The following NOD2 variants were observed in gnomAD, a reference collection of about 807,000 sequenced individuals.
NOD2 encodes nucleotide-binding oligomerization domain-containing protein 2.
A neutral mutation model predicts 90.9 loss-of-function variants in NOD2; 86 were observed. That is an observed-to-expected ratio of 0.95 (90% CI 0.79 to 1.13). The LOEUF (loss-of-function observed/expected upper bound fraction) is 1.13, where lower values mean the gene tolerates loss of function less well. Among genes scored for constraint, NOD2 ranks in the 50% most tolerant of loss-of-function variants. NOD2 has a pLI of 0.00. For missense variants in NOD2, 1,238 were observed against 1,283.8 expected (o/e 0.96, Z 0.55); for synonymous variants, 581 against 554.6 (o/e 1.05, Z -0.67).
intron 2 of NOD2, among the ~76,000 whole-genome samples, chr16:50,702,365 G>T (rs1290987040): frequency 1.3e-5 from 2 of 152,236 alleles, no homozygotes; most frequent in African/African-American, 4.8e-5. Context: ...AGGAGAGCAG[G>T]AGATTTTGAA....
Position 50,732,008 on chromosome 16 carries a change from G to A in NOD2, c.*189G>A, listed in dbSNP as rs2150846954. ...GAGGAGGGAGCATCAGTGCCCTCCA[G>A]GATAGACTTTTCCCAAGCCTACTTT... On this transcript the variant is annotated 3_prime_UTR_variant, in exon 12 of 12. Transcript: ENST00000647318. 3.2e-6 allele frequency: 2 copies of A among 625,910 alleles called. No individual in the cohort carries two copies. Among genetic ancestry groups the A allele is most frequent in the East Asian group, 5.8e-5 (2 of 34,348 alleles). The allele number at this position is 625,910 out of a possible 1,614,324, so 38.8% of individuals were successfully genotyped here. A position where few individuals can be genotyped will look rare whatever the true frequency, so the allele number is the denominator to read the frequency against.
At position 50,699,803 on chromosome 16, in the gene NOD2, C is replaced by A. The variant is rs200160605; in HGVS notation, c.308C>A (p.Pro103Gln). 1 of 1,613,752 alleles carries A rather than the reference C, an allele frequency of 6.2e-7. No individual in the cohort carries two copies. The highest frequency in any genetic ancestry group is 2.2e-5 in the East Asian group (1 of 44,888). ...HGCWDPHSLH[P>Q]ARDLQSHRPA... ...TGCTGGGACCCCCACTCGCTCCACC[C>A]AGCCCGAGACCTGCAGAGTCACCGG... The change falls in exon 2 of 12, where the codon CCA becomes CAA. Residue 103 changes from proline (P) to glutamine (Q), a missense_variant. This residue lies in a region of NOD2 where 567 missense variants were observed against 577.3 expected (regional missense o/e 0.98). Transcript: ENST00000647318.
intron 1 of NOD2, among the ~76,000 whole-genome samples, chr16:50,694,542 T>C (rs1314745492): frequency 6.6e-6 from 1 of 152,098 alleles, no homozygotes; most frequent in Non-Finnish European, 1.5e-5. Flanking sequence ...CCAGCCCACC[T>C]CCCTCCTACC....
At chr16:50,719,412 C>T (rs944464809) in intron 6 of NOD2, among the ~76,000 whole-genome samples, 9 of 152,120 alleles carry the variant, frequency 5.9e-5, no homozygotes, top group African/African-American at 1.9e-4. Flanking sequence ...TGGGATCTTC[C>T]CCCACCCCTA....
At chr16:50,710,458 C>A in intron 3 of NOD2, 100 bp from the exon 4 acceptor site, 1 of 1,535,800 alleles carries the variant, frequency 6.5e-7, no homozygotes, top group Non-Finnish European at 9.0e-7. Context: ...CTCTCCTATC[C>A]CTTCAGTTAT....
intron 6 of NOD2, among the ~76,000 whole-genome samples, chr16:50,717,211 C>T (rs974351569): frequency 5.3e-5 from 8 of 152,236 alleles, no homozygotes; most frequent in African/African-American, 1.9e-4. Flanking sequence ...GGCAAGAAAG[C>T]TTTTCTAGGC....
chr16:50,713,768 G>A (rs1596876144), intron 4 of NOD2, among the ~76,000 whole-genome samples: 1 of 152,216 alleles, frequency 6.6e-6, no homozygotes, highest in East Asian at 1.9e-4. Context: ...ACGGCTGCCT[G>A]AGCTTCTGCA....
chr16:50,711,493 C>A lies in NOD2; in HGVS notation c.1501C>A (p.Pro501Thr), dbSNP rs779264256. ...LQHFLLHATP[P>T]DSASQGLGPS... Reference sequence around the variant, plus strand: ...GCATTTTCTGCTGCATGCCACCCCCCCAGACTCAGCTTCCCAAGGTCTGGG... The same window carrying A: ...GCATTTTCTGCTGCATGCCACCCCCACAGACTCAGCTTCCCAAGGTCTGGG... Residue 501 changes from proline to threonine, a missense_variant, in exon 4 of 12, where the codon CCA becomes ACA. This residue lies in a region of NOD2 where 667 missense variants were observed against 688.7 expected (regional missense o/e 0.97). Transcript: ENST00000647318. 6 of 1,613,370 alleles carry A rather than the reference C, an allele frequency of 3.7e-6. No homozygotes were observed. The highest frequency in any genetic ancestry group is 5.1e-6 in the Non-Finnish European group (6 of 1,179,934).
chr16:50,697,844 T>C (rs1963731111), intron 1 of NOD2: 2 of 202,630 alleles, frequency 9.9e-6, no homozygotes, highest in South Asian at 1.4e-4. Flanking sequence ...TTGCTTACCT[T>C]GGCTACCGTA....
intron 2 of NOD2, among the ~76,000 whole-genome samples, chr16:50,706,024 A>G (rs576612449): frequency 6.6e-6 from 1 of 152,330 alleles, no homozygotes; most frequent in South Asian, 2.1e-4. Flanking sequence ...GGAAGGGGAT[A>G]AATGATGGCA....
In NOD2 at chr16:50,699,674, G is replaced by A. The variant is rs983465914; in HGVS notation, c.179G>A (p.Arg60His). 5.6e-6 allele frequency: 9 copies of A among 1,614,034 alleles called. No homozygotes were observed. The highest frequency in any genetic ancestry group is 5.3e-5 in the African/African-American group (4 of 74,922). Residue 60 changes from arginine (R) to histidine (H), a missense_variant, in exon 2 of 12, where the codon CGC becomes CAC. By Grantham distance (29) the Arg-to-His change is conservative. This residue lies in a region of NOD2 where 567 missense variants were observed against 577.3 expected (regional missense o/e 0.98). Coordinates refer to ENST00000647318, the MANE Select transcript of NOD2 (RefSeq NM_001370466.1). ...CAGCCTCTCTCCCACTTGGCCAGGC[G>A]CCTTCTGGACACCGTCTGGAATAAG... Reference protein sequence around the residue: ...LGQPLSHLARRLLDTVWNKGT... With the variant: ...LGQPLSHLARHLLDTVWNKGT...
intron 2 of NOD2, among the ~76,000 whole-genome samples, chr16:50,703,467 G>A (rs571498672): frequency 3.3e-5 from 5 of 152,002 alleles, no homozygotes; most frequent in Non-Finnish European, 5.9e-5. Flanking sequence ...GAGAAACCCC[G>A]TCTCTACTAA....
chr16:50,716,827 G>A (rs1299942192), intron 5 of NOD2, 64 bp from the exon 6 acceptor site: 3 of 1,552,598 alleles, frequency 1.9e-6, no homozygotes, highest in Non-Finnish European at 8.9e-7. Context: ...GGCAACCCTG[G>A]GATTTGGTGC....
At position 50,711,172 on chromosome 16, in the gene NOD2, A is replaced by C; in HGVS notation, c.1180A>C (p.Lys394Gln). 1 of 1,614,112 alleles carries C rather than the reference A, an allele frequency of 6.2e-7. No individual in the cohort carries two copies. The highest frequency in any genetic ancestry group is 8.5e-7 in the Non-Finnish European group (1 of 1,180,032). ...LQGNLLKNAR[K>Q]VVTSRPAAVS... is the part of the protein sequence containing the mutation. ...GGGCAACCTGCTGAAGAATGCCCGC[A>C]AGGTGGTGACCAGCCGTCCGGCCGC... Residue 394 changes from lysine to glutamine, a missense_variant, in exon 4 of 12, where the codon AAG (lysine) becomes CAG (glutamine). Lys to Gln is a moderately conservative substitution (Grantham distance 53, BLOSUM62 1). This residue lies in a region of NOD2 where 567 missense variants were observed against 577.3 expected (regional missense o/e 0.98). Coordinates refer to ENST00000647318, the MANE Select transcript of NOD2 (RefSeq NM_001370466.1).
rs1223321264 is a variant in NOD2 at position 50,722,516 on chromosome 16, T to C, written c.2634-106T>C. On this transcript the variant is annotated intron_variant, in intron 7 of 11. Coordinates refer to ENST00000647318, the MANE Select transcript of NOD2 (RefSeq NM_001370466.1). ...AGGCCACTCTGGGATTGAGTGGTCC[T>C]GCCCCTCTGGCTGGGACTGCAGAGG... is the stretch of plus-strand genomic sequence containing the variant. 5 of 1,093,962 alleles carry C rather than the reference T, an allele frequency of 4.6e-6. No individual in the cohort carries two copies. In the African/African-American group the frequency reaches 4.6e-5, roughly 10 times the overall value. 67.8% of individuals were successfully genotyped at this position (1,093,962 alleles called of 1,614,324 possible). A position where few individuals can be genotyped will look rare whatever the true frequency, so the allele number is the denominator to read the frequency against.
chr16:50,722,737 T>TG lies in NOD2; in HGVS notation c.2717+36dup, dbSNP rs5743288. Reference sequence around the variant, plus strand: ...TTCAGAGTCTATCCTGCAGTTTTCTTGGGGAGATCAGGTGAAGAGGGAGGA... The same window carrying TG: ...TTCAGAGTCTATCCTGCAGTTTTCTTGGGGGAGATCAGGTGAAGAGGGAGGA... On this transcript the variant is annotated intron_variant, in intron 8 of 11. Transcript: ENST00000647318. 600 of 1,602,646 alleles carry TG rather than the reference T, an allele frequency of 3.7e-4. 5 individuals are homozygous for TG. The African/African-American group carries it at 7.1e-3, about 19-fold the overall frequency.
chr16:50,702,549 A>G (rs572622077), intron 2 of NOD2, among the ~76,000 whole-genome samples: 40 of 152,264 alleles, frequency 2.6e-4, no homozygotes, highest in African/African-American at 9.6e-4. Flanking sequence ...ATGGCCTTTT[A>G]ATTTCCTATA....
At chr16:50,720,085 T>G (rs943043018) in intron 7 of NOD2, 77 bp downstream of exon 7, 67 of 1,383,748 alleles carry the variant, frequency 4.8e-5, no homozygotes, top group Non-Finnish European at 6.3e-5. Context: ...GGTGAAACTC[T>G]TCAGCCAGGA....
intron 1 of NOD2, chr16:50,696,529 G>A (rs957672788): frequency 6.6e-6 from 1 of 152,548 alleles, no homozygotes; most frequent in Non-Finnish European, 1.5e-5. Flanking sequence ...TTAGGAAACA[G>A]ATAATGAGTG....
Sources: gnomAD v4.1 joint callset for allele counts (sites outside exome capture counted in the v4.1 genomes callset) on GRCh38, gnomAD v4.1.1 for gene constraint, gnomAD v4.1.1 regional missense constraint, MANE v1.5 for transcripts, NCBI Gene and HGNC (gene_info 2026-07-23, HGNC 2026-07-21) for gene names.